The following ADK variants were observed in gnomAD, a reference collection of about 807,000 sequenced individuals.
The protein encoded by ADK is N6,N6-dimethyladenosine kinase.
ADK carries 24 observed loss-of-function variants against 44.7 expected under a neutral mutation model. The ratio of observed to expected loss-of-function variants is 0.54; its 90% CI spans 0.39 to 0.76. The LOEUF (loss-of-function observed/expected upper bound fraction) is 0.76. Among genes scored for constraint, ADK ranks in the 30% least tolerant of loss-of-function variants. ADK has a pLI of 0.00. For synonymous variants in ADK, 128 were observed against 142.6 expected (o/e 0.90, Z 0.73); for missense variants, 321 against 425.1 (o/e 0.76, Z 2.15).
intron 4 of ADK, among the ~76,000 whole-genome samples, chr10:74,378,765 G>T (rs187583661): frequency 2.4e-4 from 36 of 152,150 alleles, no homozygotes; most frequent in Non-Finnish European, 4.6e-4. Context: ...TCAGTGGAGG[G>T]GTTGGCATTT....
chr10:74,170,338 G>C (rs1842125562), intron 1 of ADK, among the ~76,000 whole-genome samples: 1 of 151,878 alleles, frequency 6.6e-6, no homozygotes, highest in African/African-American at 2.4e-5. Context: ...CTTTATACAT[G>C]AAAAAATGAA....
intron 4 of ADK, among the ~76,000 whole-genome samples, chr10:74,393,481 A>AATTTTTTT (rs1390372010): frequency 6.6e-6 from 1 of 152,178 alleles, no homozygotes; most frequent in Non-Finnish European, 1.5e-5. Flanking sequence ...TTTTTAAAAG[A>AATTTTTTT]ATTTTTTTAG....
At chr10:74,689,644 T>A (rs1855915684) in intron 10 of ADK, among the ~76,000 whole-genome samples, 2 of 152,356 alleles carry the variant, frequency 1.3e-5, no homozygotes, top group East Asian at 3.9e-4. Flanking sequence ...GGATCTTTGC[T>A]GCCATTCCTT....
chr10:74,383,729 A>G (rs1843051490), intron 4 of ADK, among the ~76,000 whole-genome samples: 1 of 150,988 alleles, frequency 6.6e-6, no homozygotes, highest in South Asian at 2.1e-4. Context: ...AGGGGTATGA[A>G]CTAAGAGTAG....
chr10:74,236,108 C>G (rs1209037185), intron 3 of ADK, among the ~76,000 whole-genome samples: 1 of 152,158 alleles, frequency 6.6e-6, no homozygotes, highest in Non-Finnish European at 1.5e-5. Flanking sequence ...CTCCCCTAAA[C>G]CATTTTATAT....
At chr10:74,583,031 G>C (rs1851421164) in intron 7 of ADK, among the ~76,000 whole-genome samples, 1 of 152,064 alleles carries the variant, frequency 6.6e-6, no homozygotes, top group Non-Finnish European at 1.5e-5. Context: ...TAATGCATAA[G>C]TTAAAATAGT....
In ADK at chr10:74,643,895, G is replaced by C. The variant is rs908988704; in HGVS notation, c.878-26288G>C. 4.6e-5 allele frequency among the ~76,000 whole-genome samples: 7 copies of C among 152,252 alleles called. No individual in the cohort carries two copies. In the South Asian group the frequency reaches 1.2e-3, roughly 27 times the overall value. ...TTAATCCTTTTGATTCCCACCCTGA[G>C]ATAAGGAGATTTTAACTAGGCCCAT... On this transcript the variant is annotated intron_variant, in intron 9 of 10. Transcript: ENST00000539909.
chr10:74,200,877 AC>A, intron 2 of ADK, 39 bp downstream of exon 2: 1 of 1,300,330 alleles, frequency 7.7e-7, no homozygotes, highest in South Asian at 1.2e-5. Flanking sequence ...TGTGGAACTT[AC>A]ATTTGAAGAA....
intron 4 of ADK, among the ~76,000 whole-genome samples, chr10:74,347,062 G>T (rs192901419): frequency 7.6e-6 from 1 of 131,158 alleles, no homozygotes; most frequent in Non-Finnish European, 1.5e-5. Context: ...AGCAGAGATC[G>T]CACCACTGCA....
intron 4 of ADK, among the ~76,000 whole-genome samples, chr10:74,369,775 G>A (rs1167919031): frequency 2.0e-5 from 3 of 152,114 alleles, no homozygotes; most frequent in Non-Finnish European, 4.4e-5. Flanking sequence ...ATACTGTACT[G>A]CAGGTTCTAG....
At chr10:74,392,115 G>C (rs1843357956) in intron 4 of ADK, among the ~76,000 whole-genome samples, 1 of 152,128 alleles carries the variant, frequency 6.6e-6, no homozygotes, top group South Asian at 2.1e-4. Context: ...TTGCTGCAGT[G>C]AACATGGACA....
intron 6 of ADK, among the ~76,000 whole-genome samples, chr10:74,405,117 A>T (rs569656835): frequency 1.3e-5 from 2 of 151,998 alleles, no homozygotes; most frequent in South Asian, 4.2e-4. Flanking sequence ...CTTCCATTTC[A>T]CTAATATTTT....
At chr10:74,461,554 A>C (rs1385503333) in intron 6 of ADK, among the ~76,000 whole-genome samples, 1 of 152,046 alleles carries the variant, frequency 6.6e-6, no homozygotes, top group African/African-American at 2.4e-5. Flanking sequence ...ACAAACATTT[A>C]TTTCCTTTAT....
intron 3 of ADK, among the ~76,000 whole-genome samples, chr10:74,303,585 G>GTTTTTTTTTTTT (rs1282565148): frequency 0.01 from 671 of 64,604 alleles, 181 homozygotes; most frequent in Non-Finnish European, 0.013. Flanking sequence ...TGGTTTTAAT[G>GTTTTTTTTTTTT]TTGTTTTTTT....
intron 3 of ADK, among the ~76,000 whole-genome samples, chr10:74,299,531 T>TATATAA (rs1221720573): frequency 1.4e-5 from 2 of 146,368 alleles, no homozygotes; most frequent in Non-Finnish European, 3.0e-5. Flanking sequence ...TATATATATA[T>TATATAA]AAAATATATT....
chr10:74,589,162 C>A, intron 7 of ADK, 120 bp from the exon 8 acceptor site: 1 of 815,582 alleles, frequency 1.2e-6, no homozygotes, highest in African/African-American at 1.7e-5. Context: ...AAAAATTGAA[C>A]TATGTGGGTA....
chr10:74,703,021 C>T (rs148593202), intron 10 of ADK, among the ~76,000 whole-genome samples: 150 of 152,274 alleles, frequency 9.9e-4, no homozygotes, highest in African/African-American at 3.4e-3. Flanking sequence ...CACCAGTGCA[C>T]AGCAGATGGA....
At chr10:74,252,609 A>T (rs182135086) in intron 3 of ADK, among the ~76,000 whole-genome samples, 2 of 152,376 alleles carry the variant, frequency 1.3e-5, no homozygotes, top group Admixed American at 1.3e-4. Flanking sequence ...TAAAGGTAGC[A>T]AAGTGTCATT....
At chr10:74,330,752 G>A (rs1841189966) in intron 4 of ADK, among the ~76,000 whole-genome samples, 1 of 152,162 alleles carries the variant, frequency 6.6e-6, no homozygotes, top group Admixed American at 6.5e-5. Flanking sequence ...GGCCTTGTGA[G>A]TGCAGCCAGC....
Sources: allele counts gnomAD v4.1 joint callset (sites outside exome capture counted in the v4.1 genomes callset), GRCh38; gene constraint gnomAD v4.1.1; transcripts MANE v1.5; gene names NCBI Gene and HGNC (gene_info 2026-07-23, HGNC 2026-07-21).